Variants in LOC400499 observed in about 807,000 individuals in gnomAD.
chr16:11,436,512 C>T, the LOC400499 span, among the ~76,000 whole-genome samples: 7 of 152,292 alleles, frequency 4.6e-5, no homozygotes, highest in African/African-American at 1.7e-4. Flanking sequence ...GCCTCAGTTT[C>T]CCCATCTGCA....
At chr16:11,427,817 G>A in the LOC400499 span, among the ~76,000 whole-genome samples, 7 of 152,190 alleles carry the variant, frequency 4.6e-5, no homozygotes, top group African/African-American at 1.7e-4. Context: ...ACTAAGAGCA[G>A]GGAGAATTGT....
At chr16:11,373,839 C>G in the LOC400499 span, among the ~76,000 whole-genome samples, 1 of 152,078 alleles carries the variant, frequency 6.6e-6, no homozygotes, top group African/African-American at 2.4e-5. Context: ...ATGCTGGTCT[C>G]AAACTCCTGA....
At chr16:11,460,036 C>G in the LOC400499 span, 1 of 1,458,696 alleles carries the variant, frequency 6.9e-7, no homozygotes, top group Non-Finnish European at 9.0e-7. Context: ...CCCGAGTCCT[C>G]CTCATGCCAG....
chr16:11,471,978 A>C, the LOC400499 span: 1 of 396,758 alleles, frequency 2.5e-6, no homozygotes, highest in Non-Finnish European at 4.4e-6. Flanking sequence ...TGGTGTGTAG[A>C]CCAGGGTTTC....
At chr16:11,408,518 G>A in the LOC400499 span, among the ~76,000 whole-genome samples, 1 of 146,992 alleles carries the variant, frequency 6.8e-6, no homozygotes, top group East Asian at 2.0e-4. Context: ...GCTAGAGTGT[G>A]CAGTGGTGTG....
chr16:11,451,039 T>A, the LOC400499 span, among the ~76,000 whole-genome samples: 1 of 152,308 alleles, frequency 6.6e-6, no homozygotes, highest in South Asian at 2.1e-4. Context: ...ACTCATCCAA[T>A]CGCACCATGG....
At chr16:11,440,772 G>A in the LOC400499 span, 3 of 399,068 alleles carry the variant, frequency 7.5e-6, no homozygotes, top group South Asian at 3.8e-4. Flanking sequence ...CCATGCCAAA[G>A]TTGAATGTTC....
the LOC400499 span, among the ~76,000 whole-genome samples, chr16:11,510,540 T>C: frequency 6.6e-6 from 1 of 151,658 alleles, no homozygotes; most frequent in African/African-American, 2.4e-5. Context: ...TTAATTTCTT[T>C]CCTGACATGG....
the LOC400499 span, among the ~76,000 whole-genome samples, chr16:11,457,702 G>A: frequency 0.01 from 1,535 of 152,046 alleles, 30 homozygotes; most frequent in African/African-American, 0.035. Flanking sequence ...GAAAGCATCA[G>A]ATATTTGCAC....
the LOC400499 span, among the ~76,000 whole-genome samples, chr16:11,424,620 C>G: frequency 6.6e-6 from 1 of 152,228 alleles, no homozygotes; most frequent in East Asian, 1.9e-4. Context: ...ACCCATGTCC[C>G]TTAGGACTTC....
At chr16:11,424,003 G>A in the LOC400499 span, 30 of 398,608 alleles carry the variant, frequency 7.5e-5, no homozygotes, top group African/African-American at 3.9e-4. Context: ...CCGTCAGCCC[G>A]GCCGCCAGAC....
chr16:11,403,015 C>G, the LOC400499 span, among the ~76,000 whole-genome samples: 2 of 152,114 alleles, frequency 1.3e-5, no homozygotes, highest in Non-Finnish European at 2.9e-5. Context: ...CTCGCAACAA[C>G]AGATGGCCTC....
chr16:11,411,534 T>C, the LOC400499 span, among the ~76,000 whole-genome samples: 1 of 152,212 alleles, frequency 6.6e-6, no homozygotes, highest in African/African-American at 2.4e-5. Flanking sequence ...GGAGCCAAGT[T>C]ACCTAGATTT....
chr16:11,457,170 A>G, the LOC400499 span: 2 of 840,022 alleles, frequency 2.4e-6, no homozygotes, highest in Non-Finnish European at 3.6e-6. Flanking sequence ...CGGGAGTGGA[A>G]CGCAGTCCAA....
At chr16:11,411,209 G>A in the LOC400499 span, 1 of 399,204 alleles carries the variant, frequency 2.5e-6, no homozygotes, top group Non-Finnish European at 4.4e-6. Context: ...TGGGCATCTG[G>A]AACCAGTTAG....
the LOC400499 span, among the ~76,000 whole-genome samples, chr16:11,516,524 C>G: frequency 6.6e-6 from 1 of 152,128 alleles, no homozygotes; most frequent in Non-Finnish European, 1.5e-5. Context: ...CTTTTCACCC[C>G]GGGACAAATG....
the LOC400499 span, among the ~76,000 whole-genome samples, chr16:11,453,303 C>T: frequency 2.6e-5 from 4 of 152,122 alleles, no homozygotes; most frequent in African/African-American, 9.7e-5. Flanking sequence ...CTTCTGAGTA[C>T]ACTGAAAACA....
the LOC400499 span, among the ~76,000 whole-genome samples, chr16:11,458,205 G>C: frequency 2.1e-4 from 32 of 152,354 alleles, no homozygotes; most frequent in African/African-American, 7.5e-4. Context: ...AATTAGCCGG[G>C]CGTGGTCGTG....
the LOC400499 span, among the ~76,000 whole-genome samples, chr16:11,471,008 G>C: frequency 6.6e-6 from 1 of 152,240 alleles, no homozygotes; most frequent in African/African-American, 2.4e-5. Context: ...GTCAGGGAAG[G>C]AGGCCAGCAG....
Sources: gnomAD v4.1 joint callset for allele counts (sites outside exome capture counted in the v4.1 genomes callset) on GRCh38, gnomAD v4.1.1 for gene constraint, MANE v1.5 for transcripts.